The following AK9 variants were observed in gnomAD, a reference collection of about 807,000 sequenced individuals.
AK9 encodes adenylate kinase domain containing 1.
In AK9, 191 loss-of-function variants were observed where a neutral mutation model predicts 239.6. That is an observed-to-expected ratio of 0.80 (90% CI 0.71 to 0.90). AK9 has a LOEUF of 0.90. Ranked by LOEUF, AK9 falls within the 40% of genes least tolerant of loss-of-function variation. The pLI is 0.00. For synonymous variants in AK9, 689 were observed against 721.0 expected, an observed-to-expected ratio of 0.96 and a Z score of 0.71; for missense variants, 1,995 against 2,214.7, an observed-to-expected ratio of 0.90 and a Z score of 1.99.
At chr6:109,534,220 C>CA (rs370974087) in intron 27 of AK9, among the ~76,000 whole-genome samples, 7,228 of 108,922 alleles carry the variant, frequency 0.066, 198 homozygotes, top group South Asian at 0.11. Context: ...AACTCCTTCT[C>CA]AAAAAAAAAA....
At position 109,573,501 on chromosome 6, in the gene AK9, C is replaced by G; in HGVS notation, c.2285G>C (p.Gly762Ala). 1 of 1,551,386 alleles carries G rather than the reference C, an allele frequency of 6.4e-7. No individual in the cohort carries two copies. Among genetic ancestry groups the G allele is most frequent in the Non-Finnish European group, 8.7e-7 (1 of 1,146,794 alleles). Residue 762 changes from glycine (G) to alanine (A), a missense_variant, in exon 21 of 41, where the codon GGG (glycine) becomes GCG (alanine). Physicochemically the swap from Gly to Ala is moderately conservative, Grantham distance 60. Around this residue, in one of 5 missense-constraint regions of AK9, gnomAD observed 1,290 missense variants for 1,392.7 expected, o/e 0.93. Transcript: ENST00000424296. The part of the protein sequence containing the change: ...EEPEASHDTR[G>A]SWLPEEFEAS... ...TTCAAACTCCTCAGGTAACCATGAC[C>G]CTCGGGTATCGTGAGATGCCTCAGG...
chr6:109,673,639 G>GTTCC (rs1358891324), intron 3 of AK9, among the ~76,000 whole-genome samples: 1 of 151,996 alleles, frequency 6.6e-6, no homozygotes, highest in African/African-American at 2.4e-5. Context: ...TCTGAAAAAT[G>GTTCC]TTCCTAAGAA....
chr6:109,674,404 T>C, intron 2 of AK9, 143 bp from the exon 3 acceptor site: 1 of 539,336 alleles, frequency 1.9e-6, no homozygotes, highest in Non-Finnish European at 3.2e-6. Context: ...GAATAGACCC[T>C]AGATACGTAT....
intron 8 of AK9, among the ~76,000 whole-genome samples, chr6:109,646,216 A>G (rs1798042721): frequency 6.6e-6 from 1 of 152,222 alleles, no homozygotes; most frequent in Admixed American, 6.5e-5. Flanking sequence ...CTCACCAGCA[A>G]TGGAAGAAAG....
chr6:109,544,076 A>G (rs906883835), intron 26 of AK9, among the ~76,000 whole-genome samples: 4 of 152,098 alleles, frequency 2.6e-5, no homozygotes, highest in Non-Finnish European at 4.4e-5. Flanking sequence ...CTGAGATCAC[A>G]CCACTGCACT....
intron 17 of AK9, among the ~76,000 whole-genome samples, chr6:109,598,307 A>G (rs544869892): frequency 6.7e-6 from 1 of 148,280 alleles, no homozygotes; most frequent in African/African-American, 2.5e-5. Flanking sequence ...CCCACCTATG[A>G]GTGAGAACAT....
At chr6:109,602,359 C>G (rs1244954586) in intron 17 of AK9, among the ~76,000 whole-genome samples, 1 of 152,136 alleles carries the variant, frequency 6.6e-6, no homozygotes, top group South Asian at 2.1e-4. Flanking sequence ...ATATGAAATT[C>G]TGGGTTGAAA....
chr6:109,688,541 G>A lies in AK9; in HGVS notation c.-12+2606C>T, dbSNP rs150799665. Among the ~76,000 whole-genome samples, 185 of 152,308 alleles carry A rather than the reference G, an allele frequency of 1.2e-3. 2 individuals carry two copies. The highest frequency in any genetic ancestry group is 3.4e-3 in the Middle Eastern group (1 of 294). On this transcript the variant is annotated intron_variant, in intron 1 of 40. Transcript: ENST00000424296. ...GGTCTCTTAAAGGCACAGCTAAGGC[G>A]CTAGCTTGGGATTGTGTGGGATTGA...
chr6:109,684,629 C>T (rs1456079067), intron 1 of AK9, among the ~76,000 whole-genome samples: 1 of 151,220 alleles, frequency 6.6e-6, no homozygotes, highest in African/African-American at 2.4e-5. Context: ...AATCCCAGCA[C>T]TTTGGGAGGC....
intron 17 of AK9, among the ~76,000 whole-genome samples, chr6:109,600,402 C>G (rs1024135808): frequency 7.2e-5 from 11 of 152,126 alleles, no homozygotes; most frequent in African/African-American, 2.7e-4. Context: ...GTATATTGAA[C>G]CAGCCTTGCA....
intron 19 of AK9, among the ~76,000 whole-genome samples, chr6:109,584,707 A>G (rs988868655): frequency 1.3e-5 from 2 of 152,150 alleles, no homozygotes; most frequent in Non-Finnish European, 2.9e-5. Flanking sequence ...TTCCATGTGT[A>G]GAACTTAGTC....
intron 1 of AK9, among the ~76,000 whole-genome samples, chr6:109,689,540 T>C (rs1030929091): frequency 4.6e-5 from 7 of 152,230 alleles, no homozygotes; most frequent in Non-Finnish European, 1.5e-5. Context: ...GGCGAATAAA[T>C]ACTCCAGCTT....
At position 109,614,434 on chromosome 6, in the gene AK9, C is replaced by T. The variant is rs1265327996; in HGVS notation, c.1446G>A (p.Glu482=). The change falls in exon 14 of 41, where the codon GAG becomes GAA. Residue 482 remains glutamate (E), a synonymous_variant. Transcript: ENST00000424296. ...REFQRQYEKM[E]FGVFPMEATH... ...TTGCCTCCATTGGGAATACTCCAAA[C>T]TCCATTTTTTCATATTGCCTTTGAA... The T allele has an allele frequency of 1.3e-6, 2 of 1,551,320 alleles. No homozygotes were observed. Among genetic ancestry groups the T allele is most frequent in the African/African-American group, 2.7e-5 (2 of 73,124 alleles).
intron 24 of AK9, among the ~76,000 whole-genome samples, chr6:109,563,322 C>T (rs758357891): frequency 2.1e-4 from 32 of 152,158 alleles, no homozygotes; most frequent in Non-Finnish European, 3.8e-4. Context: ...TTACTTACAA[C>T]AACCACTTCT....
intron 26 of AK9, among the ~76,000 whole-genome samples, chr6:109,543,950 C>G (rs918556237): frequency 3.3e-5 from 5 of 151,820 alleles, no homozygotes; most frequent in African/African-American, 4.8e-5. Flanking sequence ...GAAATCCCAT[C>G]TATACAAAAA....
At chr6:109,644,555 C>T in intron 9 of AK9, 59 bp downstream of exon 9, 9 of 1,404,218 alleles carry the variant, frequency 6.4e-6, no homozygotes, top group Non-Finnish European at 7.8e-6. Context: ...AAGTACAATA[C>T]TGTCAATAGA....
intron 27 of AK9, among the ~76,000 whole-genome samples, chr6:109,534,348 A>C (rs1781687883): frequency 6.7e-6 from 1 of 150,120 alleles, no homozygotes; most frequent in Non-Finnish European, 1.5e-5. Flanking sequence ...TTATAAAACA[A>C]CCAAGCTTTG....
At chr6:109,559,593 C>T (rs1266147990) in intron 24 of AK9, among the ~76,000 whole-genome samples, 3 of 152,124 alleles carry the variant, frequency 2.0e-5, no homozygotes, top group Non-Finnish European at 4.4e-5. Context: ...ATTCTTGATC[C>T]TATTTTGAAA....
Position 109,659,239 on chromosome 6 carries a change from C to G in AK9, c.619G>C (p.Glu207Gln), listed in dbSNP as rs1260831453. The G allele has an allele frequency of 6.3e-7, 1 of 1,580,268 alleles. No homozygotes were observed. Among genetic ancestry groups the G allele is most frequent in the Non-Finnish European group, 8.6e-7 (1 of 1,169,444 alleles). ...GEEEEEEEEQ[E>Q]EEEAFIAEMQ... is the part of the protein sequence containing the mutation. ...TATTGAGATATTACCTCTTCTTCTT[C>G]TTGCTCTTCTTCCTCTTCTTCCTCT... The change falls in exon 7 of 41, where the codon GAA becomes CAA. Residue 207 changes from glutamate (E) to glutamine (Q), a missense_variant. Glu to Gln is a conservative substitution (Grantham distance 29). This residue lies in a region of AK9 where 252 missense variants were observed against 246.4 expected (regional missense o/e 1.02). Coordinates refer to ENST00000424296, the MANE Select transcript of AK9 (RefSeq NM_001145128.3).
Sources: gnomAD v4.1 joint callset for allele counts (sites outside exome capture counted in the v4.1 genomes callset) on GRCh38, gnomAD v4.1.1 for gene constraint, gnomAD v4.1.1 regional missense constraint, MANE v1.5 for transcripts, NCBI Gene and HGNC (gene_info 2026-07-23, HGNC 2026-07-21) for gene names.